The following PKM variants were observed in gnomAD, a reference collection of about 807,000 sequenced individuals.
The protein encoded by PKM is pyruvate kinase PKM.
PKM carries 18 observed loss-of-function variants against 49.8 expected under a neutral mutation model. The observed-to-expected ratio is 0.36, with a 90% confidence interval of 0.25 to 0.54. The LOEUF is 0.54. PKM is among the 20% of genes least tolerant of loss of function. PKM has a pLI of 0.89. For missense variants in PKM, 508 were observed against 713.8 expected, an observed-to-expected ratio of 0.71 and a Z score of 3.28; for synonymous variants, 239 against 261.8, an observed-to-expected ratio of 0.91 and a Z score of 0.84.
chr15:72,203,250 C>G, intron 8 of PKM: 1 of 1,399,326 alleles, frequency 7.1e-7, no homozygotes. Flanking sequence ...AAACGAGACA[C>G]AACACATGGG....
intron 3 of PKM, among the ~76,000 whole-genome samples, chr15:72,211,778 C>T (rs112000964): frequency 1.3e-5 from 2 of 150,334 alleles, no homozygotes; most frequent in Admixed American, 6.6e-5. Context: ...CACTGCACTC[C>T]GGCCTGGATA....
At chr15:72,218,108 C>T (rs182744791) in intron 2 of PKM, among the ~76,000 whole-genome samples, 271 of 151,800 alleles carry the variant, frequency 1.8e-3, no homozygotes, top group African/African-American at 5.2e-3. Context: ...TTACTCTTAG[C>T]GATGTTTTTT....
chr15:72,199,119 AG>A lies in PKM; in HGVS notation c.*530del. 1 of 298,022 alleles carries A rather than the reference AG, an allele frequency of 3.4e-6. No individual in the cohort carries two copies. The allele number at this position is 298,022 out of a possible 1,614,324, so 18.5% of individuals were successfully genotyped here. ...AGTAGTGGGGGAAAATGGAAGGTGGAGGGTGGAGTGTTTGCTGCAGGACAGC... is the reference window on the plus strand; with the variant it reads ...AGTAGTGGGGGAAAATGGAAGGTGGAGGTGGAGTGTTTGCTGCAGGACAGC... On this transcript the variant is annotated 3_prime_UTR_variant, in exon 11 of 11. Transcript: ENST00000335181.
Position 72,200,696 on chromosome 15 carries a change from G to A in PKM, c.1308-41C>T, listed in dbSNP as rs766482282. 1.8e-5 allele frequency: 28 copies of A among 1,559,530 alleles called. No homozygotes were observed. The Admixed American group carries it at 1.9e-4, about 10-fold the overall frequency. On this transcript the variant is annotated intron_variant, in intron 9 of 10. Transcript: ENST00000335181. The surrounding 1 kb of genome is among the most constrained non-coding windows in gnomAD (Gnocchi z 4.6). ...GGACATACAGAAGAGACCATTACAC[G>A]AGGCCCCAGGAAGTACCCTCAGGGC...
intron 8 of PKM, chr15:72,203,153 G>A (rs1180560790): frequency 6.2e-6 from 10 of 1,614,062 alleles, no homozygotes; most frequent in East Asian, 2.2e-5. Flanking sequence ...CAAACAGCTT[G>A]CGGTGGAACA....
Position 72,199,285 on chromosome 15 carries a change from ACCCCAAGC to A in PKM, c.*357_*364del, listed in dbSNP as rs1567096514. On this transcript the variant is annotated 3_prime_UTR_variant, in exon 11 of 11. Coordinates refer to ENST00000335181, the MANE Select transcript of PKM (RefSeq NM_002654.6). ...CCTAACTCTTGCTGGCTGTTTCTTG[ACCCCAAGC>A]CAGGGTTGGGAGTCCTCTGGGCATC... 5.1e-6 allele frequency: 2 copies of A among 395,526 alleles called. No individual in the cohort carries two copies. Among genetic ancestry groups the A allele is most frequent in the Admixed American group, 7.0e-5 (2 of 28,540 alleles). The allele number at this position is 395,526 out of a possible 1,614,324, so 24.5% of individuals were successfully genotyped here. A position where few individuals can be genotyped will look rare whatever the true frequency, so the allele number is the denominator to read the frequency against.
At chr15:72,201,977 C>A (rs2081956449) in intron 9 of PKM, 1 of 216,190 alleles carries the variant, frequency 4.6e-6, no homozygotes, top group East Asian at 1.3e-4. Flanking sequence ...AGCACAGCAA[C>A]CTCTCCTGAG....
At chr15:72,214,950 C>T (rs905656561) in intron 3 of PKM, among the ~76,000 whole-genome samples, 4 of 151,678 alleles carry the variant, frequency 2.6e-5, no homozygotes, top group African/African-American at 9.7e-5. Flanking sequence ...TGGTGGCTCA[C>T]GCCTTTAGGA....
At chr15:72,226,532 A>AAAAAT (rs1000885943) in intron 1 of PKM, among the ~76,000 whole-genome samples, 105 of 152,330 alleles carry the variant, frequency 6.9e-4, no homozygotes, top group South Asian at 1.7e-3. Flanking sequence ...TCCGTCTCAA[A>AAAAAT]AAAATAAAAT....
intron 10 of PKM, 63 bp from the exon 11 acceptor site, chr15:72,199,819 G>T: frequency 1.9e-6 from 2 of 1,059,502 alleles, no homozygotes; most frequent in African/African-American, 1.6e-5. Context: ...CACCTGGGCA[G>T]CTGCCCCATA....
At chr15:72,203,406 T>C (rs2081996353) in intron 8 of PKM, 2 of 579,392 alleles carry the variant, frequency 3.5e-6, no homozygotes, top group East Asian at 2.9e-5. Context: ...CAGGGGAAAT[T>C]GGCTCTTCCC....
chr15:72,209,396 A>AATATATGTATATAT (rs2082172401), intron 5 of PKM: 1 of 78,984 alleles, frequency 1.3e-5, no homozygotes, highest in African/African-American at 6.0e-5. Context: ...CAGCGAAACA[A>AATATATGTATATAT]ATATATATAT....
chr15:72,207,546 C>T (rs576560944), intron 6 of PKM, among the ~76,000 whole-genome samples: 1 of 152,232 alleles, frequency 6.6e-6, no homozygotes. Context: ...TCCAAATGGG[C>T]TCATTCCCAA....
In PKM at chr15:72,202,883, TG is replaced by T; in HGVS notation, c.1141-264del. The stretch of plus-strand genomic sequence containing the variant: ...AGGACCCTTTGGTCCTGCCCTGCCA[TG>T]ACCTCCCTGGCGGTGTTCCTACAGA... On this transcript the variant is annotated intron_variant, in intron 8 of 10. Transcript: ENST00000335181. This position sits in a 1 kb window ranked among gnomAD's most constrained non-coding sequence, Gnocchi z 4.5. 1 of 929,432 alleles carries T rather than the reference TG, an allele frequency of 1.1e-6. No homozygotes were observed. The highest frequency in any genetic ancestry group is 1.7e-6 in the Non-Finnish European group (1 of 578,972). The allele number at this position is 929,432 out of a possible 1,614,324, so 57.6% of individuals were successfully genotyped here.
intron 1 of PKM, among the ~76,000 whole-genome samples, chr15:72,225,374 A>G (rs561647074): frequency 6.6e-6 from 1 of 150,994 alleles, no homozygotes; most frequent in East Asian, 2.0e-4. Context: ...AGAGATGGGA[A>G]TCTTGCGATG....
At position 72,225,088 on chromosome 15, in the gene PKM, ATTT is replaced by A. The variant is rs59687887; in HGVS notation, c.-13-5981_-13-5979del. On this transcript the variant is annotated intron_variant, in intron 1 of 10. Transcript: ENST00000335181. ...AGGCGCCCGCCACCAGGCCCGGCTA[ATTT>A]TTTTTTTTTTTTTTTTTTGTATTTT... 1.5e-4 allele frequency among the ~76,000 whole-genome samples: 17 copies of A among 116,644 alleles called. 1 individual carries two copies. The highest frequency in any genetic ancestry group is 5.5e-4 in the Admixed American group (6 of 10,992). The allele number at this position is 116,644 out of a possible 152,430, so 76.5% of individuals were successfully genotyped here. A position where few individuals can be genotyped will look rare whatever the true frequency, so the allele number is the denominator to read the frequency against.
At position 72,217,474 on chromosome 15, in the gene PKM, A is replaced by G. The variant is rs778619980; in HGVS notation, c.181T>C (p.Leu61=). ...IGPASRSVET[L]KEMIKSGMNV... is the part of the protein sequence containing the mutation. ...ATTCCAGACTTAATCATCTCCTTCA[A>G]CGTCTCCACTGATCGGGAAGCTGGG... The change falls in exon 3 of 11, where the codon TTG becomes CTG. Residue 61 remains leucine, a synonymous_variant. Coordinates refer to ENST00000335181, the MANE Select transcript of PKM (RefSeq NM_002654.6). 1.2e-6 allele frequency: 2 copies of G among 1,611,296 alleles called. No homozygotes were observed. Among genetic ancestry groups the G allele is most frequent in the Non-Finnish European group, 1.7e-6 (2 of 1,177,512 alleles).
intron 6 of PKM, 90 bp from the exon 7 acceptor site, chr15:72,207,367 C>T: frequency 8.9e-7 from 1 of 1,121,740 alleles, no homozygotes; most frequent in Non-Finnish European, 1.4e-6. Flanking sequence ...GATTCCCTAA[C>T]TTAGATGTCC....
Position 72,209,872 on chromosome 15 carries a change from G to A in PKM, c.379-13C>T. 1.2e-6 allele frequency: 2 copies of A among 1,611,710 alleles called. No homozygotes were observed. The highest frequency in any genetic ancestry group is 1.7e-6 in the Non-Finnish European group (2 of 1,177,896). ...CTGCAGTGCCGCTCTAGGGACAAGA[G>A]AGTAAGCAAGAGTCCAAACTGGAGA... On this transcript the variant is annotated splice_polypyrimidine_tract_variant and intron_variant, in intron 4 of 10. Coordinates refer to ENST00000335181, the MANE Select transcript of PKM (RefSeq NM_002654.6).
Sources: allele counts gnomAD v4.1 joint callset (sites outside exome capture counted in the v4.1 genomes callset), GRCh38; gene constraint gnomAD v4.1.1; non-coding constraint Gnocchi (gnomAD v3.1); transcripts MANE v1.5; gene names NCBI Gene and HGNC (gene_info 2026-07-23, HGNC 2026-07-21).